The following TMEM163 variants were observed in gnomAD, a reference collection of about 807,000 sequenced individuals.
The protein encoded by TMEM163 is transmembrane protein 163.
A neutral mutation model predicts 29.3 loss-of-function variants in TMEM163; 17 were observed. The observed-to-expected ratio is 0.58, with a 90% CI of 0.40 to 0.87. TMEM163 has a LOEUF of 0.87. Ranked by LOEUF, TMEM163 falls within the 40% of genes least tolerant of loss-of-function variation. TMEM163 has a pLI of 0.00. For synonymous variants in TMEM163, 157 were observed against 160.6 expected (o/e 0.98, Z 0.17); for missense variants, 303 against 381.5 (o/e 0.79, Z 1.71).
chr2:134,465,205 A>G (rs974840807), intron 6 of TMEM163, among the ~76,000 whole-genome samples: 1 of 130,938 alleles, frequency 7.6e-6, no homozygotes, highest in Admixed American at 7.3e-5. Flanking sequence ...AAAAAAAAAC[A>G]AAAACAAAAC....
intron 2 of TMEM163, among the ~76,000 whole-genome samples, chr2:134,585,667 G>T (rs1051804081): frequency 6.6e-6 from 1 of 151,990 alleles, no homozygotes; most frequent in Non-Finnish European, 1.5e-5. Flanking sequence ...GCGTGAACCC[G>T]GGAGGCGGAG....
At chr2:134,471,664 G>A (rs1484901110) in intron 5 of TMEM163, among the ~76,000 whole-genome samples, 1 of 152,188 alleles carries the variant, frequency 6.6e-6, no homozygotes, top group Non-Finnish European at 1.5e-5. Context: ...AGCAGACATG[G>A]AGACATGGCT....
intron 4 of TMEM163, among the ~76,000 whole-genome samples, chr2:134,527,251 A>C (rs766219052): frequency 6.6e-6 from 1 of 152,132 alleles, no homozygotes; most frequent in African/African-American, 2.4e-5. Context: ...ACATGCTTAC[A>C]TACGTGTATG....
intron 5 of TMEM163, among the ~76,000 whole-genome samples, chr2:134,476,420 C>G: frequency 6.6e-6 from 1 of 152,180 alleles, no homozygotes; most frequent in Admixed American, 6.5e-5. Flanking sequence ...TCTGTCAAAA[C>G]TCATCAAGTT....
intron 2 of TMEM163, among the ~76,000 whole-genome samples, chr2:134,660,489 T>C (rs997431176): frequency 1.3e-5 from 2 of 152,204 alleles, no homozygotes; most frequent in Non-Finnish European, 2.9e-5. Flanking sequence ...AAGAGTGTCA[T>C]AGGTAGAAGC....
chr2:134,579,695 C>A (rs965051345), intron 2 of TMEM163, among the ~76,000 whole-genome samples: 1 of 152,088 alleles, frequency 6.6e-6, no homozygotes, highest in Admixed American at 6.5e-5. Flanking sequence ...GGATTTGAAT[C>A]CAGTCCTGCT....
chr2:134,628,551 A>G (rs973154645), intron 2 of TMEM163, among the ~76,000 whole-genome samples: 4 of 152,256 alleles, frequency 2.6e-5, no homozygotes, highest in Admixed American at 2.0e-4. Flanking sequence ...AGCCAGTCAT[A>G]CAAGCACTCT....
At chr2:134,538,123 A>T (rs553613166) in intron 4 of TMEM163, among the ~76,000 whole-genome samples, 17 of 152,326 alleles carry the variant, frequency 1.1e-4, no homozygotes, top group African/African-American at 3.6e-4. Flanking sequence ...CAAAATTTAT[A>T]TGTTAAAACC....
chr2:134,490,174 G>T (rs17787254), intron 5 of TMEM163, among the ~76,000 whole-genome samples: 168 of 152,214 alleles, frequency 1.1e-3, no homozygotes, highest in African/African-American at 4.0e-3. Flanking sequence ...AGGTGTCATC[G>T]GAGCGCCACC....
chr2:134,583,614 G>A (rs969701989), intron 2 of TMEM163, among the ~76,000 whole-genome samples: 8 of 152,146 alleles, frequency 5.3e-5, no homozygotes, highest in East Asian at 1.9e-4. Flanking sequence ...TGGAGTTCTC[G>A]GAAAAGGGGT....
chr2:134,684,284 C>T (rs564225387), intron 2 of TMEM163, among the ~76,000 whole-genome samples: 17 of 152,220 alleles, frequency 1.1e-4, no homozygotes, highest in African/African-American at 3.9e-4. Context: ...AAGCATAAAC[C>T]TTACCATCGA....
chr2:134,578,971 A>G (rs756072367), intron 2 of TMEM163, among the ~76,000 whole-genome samples: 63 of 152,172 alleles, frequency 4.1e-4, no homozygotes, highest in Non-Finnish European at 9.0e-4. Context: ...TTGAATGGAG[A>G]GAGCGATCAC....
intron 2 of TMEM163, among the ~76,000 whole-genome samples, chr2:134,600,666 A>G (rs921106961): frequency 6.6e-6 from 1 of 152,174 alleles, no homozygotes; most frequent in African/African-American, 2.4e-5. Context: ...ATCAAAAAGC[A>G]CCTGTGAATA....
chr2:134,549,929 C>G (rs1260113870), intron 4 of TMEM163, among the ~76,000 whole-genome samples: 2 of 151,992 alleles, frequency 1.3e-5, no homozygotes, highest in Non-Finnish European at 2.9e-5. Context: ...TCTTGCTTTT[C>G]CAGACGAGGG....
At chr2:134,632,648 G>A (rs1682991144) in intron 2 of TMEM163, among the ~76,000 whole-genome samples, 1 of 152,168 alleles carries the variant, frequency 6.6e-6, no homozygotes, top group African/African-American at 2.4e-5. Flanking sequence ...GGAAGGAGAG[G>A]GGCGCTGCCT....
intron 2 of TMEM163, among the ~76,000 whole-genome samples, chr2:134,563,903 A>C (rs1401715119): frequency 6.6e-6 from 1 of 152,032 alleles, no homozygotes; most frequent in Non-Finnish European, 1.5e-5. Context: ...AAAATACAAA[A>C]ACCTTAGGCG....
intron 4 of TMEM163, among the ~76,000 whole-genome samples, chr2:134,504,223 G>C (rs1234415902): frequency 6.6e-6 from 1 of 152,164 alleles, no homozygotes; most frequent in East Asian, 1.9e-4. Flanking sequence ...AATAAAAGCA[G>C]GTAAGCGAGG....
intron 6 of TMEM163, among the ~76,000 whole-genome samples, chr2:134,465,189 T>TAAAAAAAAAAAAAAAAAAAA (rs1181405890): frequency 4.2e-5 from 5 of 117,716 alleles, no homozygotes; most frequent in African/African-American, 1.5e-4. Flanking sequence ...TCCGCATCTT[T>TAAAAAAAAAAAAAAAAAAAA]AAAAAAAAAA....
At chr2:134,549,907 G>A (rs1401575146) in intron 4 of TMEM163, among the ~76,000 whole-genome samples, 1 of 152,082 alleles carries the variant, frequency 6.6e-6, no homozygotes, top group Admixed American at 6.6e-5. Flanking sequence ...TACGAAAGAG[G>A]AATTGTCTTT....
Sources: allele counts gnomAD v4.1 joint callset (sites outside exome capture counted in the v4.1 genomes callset), GRCh38; gene constraint gnomAD v4.1.1; transcripts MANE v1.5; gene names NCBI Gene and HGNC (gene_info 2026-07-23, HGNC 2026-07-21).